PPP2R5D: variants seen among roughly 807,000 people sequenced by gnomAD.
PPP2R5D encodes protein phosphatase 2 regulatory subunit B'delta, also known as serine/threonine-protein phosphatase 2A 56 kDa regulatory subunit delta isoform.
PPP2R5D carries 12 observed loss-of-function variants against 79.1 expected under a neutral mutation model. The ratio of observed to expected loss-of-function variants is 0.15; its 90% CI spans 0.10 to 0.25. PPP2R5D has a LOEUF of 0.25. PPP2R5D is among the 10% of genes least tolerant of loss of function. The pLI, the probability that PPP2R5D is intolerant of heterozygous loss-of-function variation, is 1.00. For missense variants in PPP2R5D, 419 were observed against 760.2 expected (o/e 0.55, Z 5.28); for synonymous variants, 277 against 286.6 (o/e 0.97, Z 0.34).
chr6:42,990,230 A>G (rs1462882377), intron 2 of PPP2R5D, among the ~76,000 whole-genome samples: 2 of 152,354 alleles, frequency 1.3e-5, no homozygotes, highest in East Asian at 1.9e-4. Context: ...AGAACACCAG[A>G]AGAGGGAGAG....
In PPP2R5D at chr6:43,007,927, A is replaced by AC; in HGVS notation, c.727-3dup. 6.2e-7 allele frequency: 1 copy of AC among 1,613,452 alleles called. No homozygotes were observed. Among genetic ancestry groups the AC allele is most frequent in the South Asian group, 1.1e-5 (1 of 91,052 alleles). ...TCACTGGCTGCTTTCCCTCCCTTGT[A>AC]CCCCCAGCTCCTAGACCTATTTGAC... On this transcript the variant is annotated splice_polypyrimidine_tract_variant and splice_region_variant and intron_variant, in intron 6 of 15. Coordinates refer to ENST00000485511, the MANE Select transcript of PPP2R5D (RefSeq NM_006245.4). This position sits in a 1 kb window ranked among gnomAD's most constrained non-coding sequence, Gnocchi z 4.5.
In PPP2R5D at chr6:42,999,308, A is replaced by ATT. The variant is rs1772012657; in HGVS notation, c.106-7155_106-7154insTT. The stretch of plus-strand genomic sequence containing the variant: ...GCATGTTTCCTAGTGAAGGGTGAAT[A>ATT]GACAGCGGATACCTCATTGGGGCTT... On this transcript the variant is annotated intron_variant, in intron 2 of 15. Coordinates refer to ENST00000485511, the MANE Select transcript of PPP2R5D (RefSeq NM_006245.4). Among the ~76,000 whole-genome samples, 4 of 152,186 alleles carry ATT rather than the reference A, an allele frequency of 2.6e-5. 2 individuals carry two copies. The highest frequency in any genetic ancestry group is 5.9e-5 in the Non-Finnish European group (4 of 68,036).
chr6:43,006,489 C>G lies in PPP2R5D; in HGVS notation c.132C>G (p.Pro44=), dbSNP rs1452907455. ...CCCAGCCGCAGCCCCAGCCCCAGCCCCAGCCCCAAGCCCAGTCTCAGCCAC... is the reference window on the plus strand; with the variant it reads ...CCCAGCCGCAGCCCCAGCCCCAGCCGCAGCCCCAAGCCCAGTCTCAGCCAC... ...EEAQPQPQPQ[P]QPQAQSQPPS... The change falls in exon 3 of 16, where the codon CCC becomes CCG. Residue 44 remains proline, a synonymous_variant. Transcript: ENST00000485511. The surrounding 1 kb of genome is among the most constrained non-coding windows in gnomAD (Gnocchi z 4.7). 3.7e-6 allele frequency: 6 copies of G among 1,613,670 alleles called. No individual in the cohort carries two copies. Among genetic ancestry groups the G allele is most frequent in the Non-Finnish European group, 4.2e-6 (5 of 1,179,886 alleles).
chr6:42,990,959 G>A (rs1234440932), intron 2 of PPP2R5D, among the ~76,000 whole-genome samples: 2 of 151,978 alleles, frequency 1.3e-5, no homozygotes, highest in Admixed American at 6.6e-5. Flanking sequence ...TGATCCACCC[G>A]CCTCAGCCTC....
chr6:42,994,980 C>T (rs1771537974), intron 2 of PPP2R5D, among the ~76,000 whole-genome samples: 1 of 152,060 alleles, frequency 6.6e-6, no homozygotes, highest in Admixed American at 6.6e-5. Context: ...TCTTATCAGT[C>T]CTCTACTTAA....
intron 2 of PPP2R5D, among the ~76,000 whole-genome samples, chr6:42,997,180 ATTTTATTTAT>A (rs1328919388): frequency 6.6e-6 from 1 of 150,376 alleles, no homozygotes; most frequent in Non-Finnish European, 1.5e-5. Context: ...ATTTTTATTT[ATTTTATTTAT>A]TTTTATTTAT....
At position 43,010,964 on chromosome 6, in the gene PPP2R5D, T is replaced by G. The variant is rs1463736281; in HGVS notation, c.1638T>G (p.Leu546=). 3 of 1,613,980 alleles carry G rather than the reference T, an allele frequency of 1.9e-6. No individual in the cohort carries two copies. Among genetic ancestry groups the G allele is most frequent in the Non-Finnish European group, 2.5e-6 (3 of 1,180,014 alleles). ...TETPTAEDIQ[L]LKRTVETEAV... is the part of the protein sequence containing the mutation. ...CCCCCACAGCTGAGGACATCCAGCT[T>G]CTGAAGAGGACTGTGGAGACTGAGG... Residue 546 remains leucine (L), a synonymous_variant, in exon 15 of 16, where the codon CTT becomes CTG. Coordinates refer to ENST00000485511, the MANE Select transcript of PPP2R5D (RefSeq NM_006245.4). This position sits in a 1 kb window ranked among gnomAD's most constrained non-coding sequence, Gnocchi z 4.7.
At chr6:43,005,450 T>C (rs1398326457) in intron 2 of PPP2R5D, among the ~76,000 whole-genome samples, 1 of 152,014 alleles carries the variant, frequency 6.6e-6, no homozygotes, top group Non-Finnish European at 1.5e-5. Flanking sequence ...ACTGCAGGCA[T>C]GTGCCACCAC....
chr6:42,993,447 G>A (rs1393550133), intron 2 of PPP2R5D, among the ~76,000 whole-genome samples: 4 of 152,134 alleles, frequency 2.6e-5, no homozygotes, highest in African/African-American at 7.2e-5. Context: ...CTCCAGCCTC[G>A]GTGACAAGAG....
At chr6:42,998,057 A>ATTTTTTTTTTT (rs1163890447) in intron 2 of PPP2R5D, among the ~76,000 whole-genome samples, 1 of 12,794 alleles carries the variant, frequency 7.8e-5, no homozygotes, top group African/African-American at 2.2e-4. Flanking sequence ...ATATATATAT[A>ATTTTTTTTTTT]TTTTTTTTTT....
Position 42,984,595 on chromosome 6 carries a change from A to G in PPP2R5D, c.-83A>G. ...GCAGCGCGCAGGCGGTGGCGAAGAG[A>G]CGCCGAGCGGGCCGAGTGCGGCCGA... On this transcript the variant is annotated 5_prime_UTR_variant, in exon 1 of 16. Transcript: ENST00000485511. The G allele has an allele frequency of 6.7e-7, 1 of 1,501,592 alleles. No individual in the cohort carries two copies. The highest frequency in any genetic ancestry group is 1.3e-5 in the South Asian group (1 of 78,612). 93.0% of individuals were successfully genotyped at this position (1,501,592 alleles called of 1,614,324 possible).
chr6:43,003,630 T>C (rs1325754113), intron 2 of PPP2R5D, among the ~76,000 whole-genome samples: 1 of 152,204 alleles, frequency 6.6e-6, no homozygotes, highest in African/African-American at 2.4e-5. Context: ...GGCTTGTTCT[T>C]ACCTTTTCTG....
chr6:43,004,836 A>G (rs1304924966), intron 2 of PPP2R5D, among the ~76,000 whole-genome samples: 1 of 150,558 alleles, frequency 6.6e-6, no homozygotes, highest in Non-Finnish European at 1.5e-5. Context: ...GCTCACTGCA[A>G]CCTCCTGGGT....
chr6:42,996,906 A>C (rs1771735670), intron 2 of PPP2R5D, among the ~76,000 whole-genome samples: 1 of 152,184 alleles, frequency 6.6e-6, no homozygotes, highest in African/African-American at 2.4e-5. Context: ...AAGAGATATA[A>C]TATTTAATCT....
At chr6:42,995,686 G>T (rs1182682558) in intron 2 of PPP2R5D, among the ~76,000 whole-genome samples, 2 of 151,136 alleles carry the variant, frequency 1.3e-5, no homozygotes, top group Non-Finnish European at 2.9e-5. Context: ...CCAAGTAGCT[G>T]GGACTACAGG....
In PPP2R5D at chr6:43,008,865, T is replaced by C. The variant is rs576596204; in HGVS notation, c.1080+119T>C. On this transcript the variant is annotated intron_variant, in intron 10 of 15. Transcript: ENST00000485511. The surrounding 1 kb of genome is among the most constrained non-coding windows in gnomAD (Gnocchi z 4.2). ...GAGGGCTGTGACCTGACCGGTAACA[T>C]GGTTTCCTCTCTGAAGGGGAAGCAA... 380 of 1,307,376 alleles carry C rather than the reference T, an allele frequency of 2.9e-4. 2 individuals carry two copies. The South Asian group carries it at 4.5e-3, about 16-fold the overall frequency. 81.0% of individuals were successfully genotyped at this position (1,307,376 alleles called of 1,614,324 possible).
chr6:42,997,618 TC>T (rs1233357870), intron 2 of PPP2R5D, among the ~76,000 whole-genome samples: 2 of 152,184 alleles, frequency 1.3e-5, no homozygotes, highest in East Asian at 3.9e-4. Context: ...CAAGCAATTC[TC>T]CTGCCTCAAC....
chr6:43,003,835 C>T (rs1462874580), intron 2 of PPP2R5D, among the ~76,000 whole-genome samples: 6 of 150,700 alleles, frequency 4.0e-5, no homozygotes, highest in South Asian at 2.1e-4. Context: ...CCCGGGTTCA[C>T]GCCATTCTCC....
chr6:43,000,800 G>C (rs1264153799), intron 2 of PPP2R5D, among the ~76,000 whole-genome samples: 1 of 152,236 alleles, frequency 6.6e-6, no homozygotes, highest in African/African-American at 2.4e-5. Flanking sequence ...GAGAGGAAGA[G>C]TCTGTGGGGA....
Sources: allele counts gnomAD v4.1 joint callset (sites outside exome capture counted in the v4.1 genomes callset), GRCh38; gene constraint gnomAD v4.1.1; non-coding constraint Gnocchi (gnomAD v3.1); transcripts MANE v1.5; gene names NCBI Gene and HGNC (gene_info 2026-07-23, HGNC 2026-07-21).